WDFY4: variants seen among roughly 807,000 people sequenced by gnomAD.
The protein encoded by WDFY4 is WDFY family member 4.
WDFY4 carries 169 observed loss-of-function variants against 351.9 expected under a neutral mutation model. That is an observed-to-expected ratio of 0.48 (90% CI 0.42 to 0.55). WDFY4 has a LOEUF of 0.55. Ranked by LOEUF, WDFY4 falls within the 20% of genes least tolerant of loss-of-function variation. WDFY4 has a pLI of 0.00. For missense variants in WDFY4, 3,803 were observed against 3,935.6 expected, an observed-to-expected ratio of 0.97 and a Z score of 0.90; for synonymous variants, 1,622 against 1,574.6, an observed-to-expected ratio of 1.03 and a Z score of -0.71.
At chr10:48,801,577 C>T in intron 24 of WDFY4, 1 of 451,564 alleles carries the variant, frequency 2.2e-6, no homozygotes, top group Non-Finnish European at 4.4e-6. Context: ...CCAGCTGTCC[C>T]AAATGGCAGC....
chr10:48,685,979 G>A (rs1252625280), intron 1 of WDFY4, among the ~76,000 whole-genome samples: 1 of 151,984 alleles, frequency 6.6e-6, no homozygotes, highest in Non-Finnish European at 1.5e-5. Flanking sequence ...GCCGAGTCCT[G>A]TGGGTTTCTG....
chr10:48,811,967 A>C (rs2067461860), intron 30 of WDFY4, among the ~76,000 whole-genome samples: 1 of 151,928 alleles, frequency 6.6e-6, no homozygotes, highest in Non-Finnish European at 1.5e-5. Context: ...TCTATTTTAA[A>C]ACCTTCCTTT....
At chr10:48,977,071 T>TAACC (rs1842600721) in intron 59 of WDFY4, 92 bp downstream of exon 59, 3 of 1,276,352 alleles carry the variant, frequency 2.4e-6, no homozygotes, top group Non-Finnish European at 3.0e-6. Context: ...AACCTGCAGG[T>TAACC]TGCATTTGAG....
intron 31 of WDFY4, among the ~76,000 whole-genome samples, chr10:48,814,788 C>T (rs2067566331): frequency 6.6e-6 from 1 of 152,076 alleles, no homozygotes; most frequent in Non-Finnish European, 1.5e-5. Flanking sequence ...TAAACAACAC[C>T]CACCTGACAC....
chr10:48,930,219 C>T (rs1391091223), intron 47 of WDFY4, among the ~76,000 whole-genome samples: 4 of 152,200 alleles, frequency 2.6e-5, no homozygotes, highest in African/African-American at 7.2e-5. Flanking sequence ...TGAGAGTCAG[C>T]TGCTACATAA....
At chr10:48,951,959 C>A (rs1392980169) in intron 51 of WDFY4, among the ~76,000 whole-genome samples, 4 of 152,196 alleles carry the variant, frequency 2.6e-5, no homozygotes, top group Non-Finnish European at 5.9e-5. Context: ...TAAGTCACAG[C>A]CCATGTGAAG....
intron 13 of WDFY4, among the ~76,000 whole-genome samples, chr10:48,768,316 C>T (rs372867485): frequency 3.0e-4 from 46 of 152,284 alleles, no homozygotes; most frequent in African/African-American, 9.4e-4. Context: ...CTTGCCCATG[C>T]GCTGGCATGG....
chr10:48,853,884 C>T (rs1229945665), intron 39 of WDFY4, among the ~76,000 whole-genome samples: 1 of 151,956 alleles, frequency 6.6e-6, no homozygotes, highest in African/African-American at 2.4e-5. Flanking sequence ...GGTTTATCTT[C>T]GTAATCTAGT....
chr10:48,688,395 T>C (rs984401541), intron 1 of WDFY4, among the ~76,000 whole-genome samples: 5 of 152,254 alleles, frequency 3.3e-5, no homozygotes, highest in African/African-American at 1.2e-4. Flanking sequence ...AAAGAAGTGA[T>C]ATCTTTATGA....
At chr10:48,781,699 C>T (rs2066230974) in intron 19 of WDFY4, among the ~76,000 whole-genome samples, 2 of 152,228 alleles carry the variant, frequency 1.3e-5, no homozygotes, top group Admixed American at 1.3e-4. Context: ...CCTTCCCTTT[C>T]TCTCTTTCTT....
rs2066044464 is a variant in WDFY4, at chr10:48,776,741, C to G, written c.2864-9C>G. ...AGAGACACATCTCTTCTCTTGCTTG[C>G]TGCCCTAGGGTCACAGACTGCACAG... On this transcript the variant is annotated splice_polypyrimidine_tract_variant and intron_variant, in intron 15 of 61. Coordinates refer to ENST00000325239, the MANE Select transcript of WDFY4 (RefSeq NM_001394531.1). 6.6e-7 allele frequency: 1 copy of G among 1,513,956 alleles called. No individual in the cohort carries two copies. The highest frequency in any genetic ancestry group is 1.4e-5 in the African/African-American group (1 of 71,888). The allele number at this position is 1,513,956 out of a possible 1,614,324, so 93.8% of individuals were successfully genotyped here. A position where few individuals can be genotyped will look rare whatever the true frequency, so the allele number is the denominator to read the frequency against.
chr10:48,749,940 A>C (rs1449767108), intron 12 of WDFY4, among the ~76,000 whole-genome samples: 2 of 152,056 alleles, frequency 1.3e-5, no homozygotes, highest in Non-Finnish European at 2.9e-5. Flanking sequence ...AGTCACCTTT[A>C]CCTTGAACTT....
chr10:48,788,706 G>T (rs1337169333), intron 21 of WDFY4, 31 bp downstream of exon 21: 1 of 1,548,164 alleles, frequency 6.5e-7, no homozygotes, highest in Non-Finnish European at 8.7e-7. Flanking sequence ...GCTAATCTCT[G>T]TTGGAATCTG....
intron 5 of WDFY4, 33 bp from the exon 6 acceptor site, chr10:48,725,848 G>A (rs2064250413): frequency 6.6e-7 from 1 of 1,520,978 alleles, no homozygotes; most frequent in African/African-American, 1.4e-5. Flanking sequence ...TCCTAACCAG[G>A]TCTCCTTGAC....
rs1182060101 is a variant in WDFY4 at position 48,787,893 on chromosome 10, C to CCTT, written c.3809-547_3809-545dup. Among the ~76,000 whole-genome samples the CCTT allele has an allele frequency of 5.4e-3, 259 of 48,064 alleles. 6 individuals carry two copies. The highest frequency in any genetic ancestry group is 6.8e-3 in the Non-Finnish European group (178 of 26,112). 31.5% of individuals were successfully genotyped at this position (48,064 alleles called of 152,430 possible). A position where few individuals can be genotyped will look rare whatever the true frequency, so the allele number is the denominator to read the frequency against. On this transcript the variant is annotated intron_variant, in intron 20 of 61. Coordinates refer to ENST00000325239, the MANE Select transcript of WDFY4 (RefSeq NM_001394531.1). ...TTTCTTCTTTCTTTCTTCTTCTTCT[C>CCTT]CTTCTTCTTCTTCTTCTTCTTCTTC...
intron 39 of WDFY4, among the ~76,000 whole-genome samples, chr10:48,842,010 C>T (rs1389139809): frequency 1.3e-5 from 2 of 152,144 alleles, no homozygotes; most frequent in Non-Finnish European, 2.9e-5. Context: ...GAGCATCAAG[C>T]TGATGTCACC....
At chr10:48,930,874 C>T (rs1839953585) in intron 47 of WDFY4, among the ~76,000 whole-genome samples, 1 of 152,060 alleles carries the variant, frequency 6.6e-6, no homozygotes, top group African/African-American at 2.4e-5. Flanking sequence ...TCCGTGTGAG[C>T]CCTGTGTTCT....
chr10:48,862,971 C>A (rs1056501217), intron 39 of WDFY4, among the ~76,000 whole-genome samples: 1 of 152,124 alleles, frequency 6.6e-6, no homozygotes, highest in Non-Finnish European at 1.5e-5. Context: ...TTGAAATTAG[C>A]TTCTTTCACT....
At chr10:48,963,657 A>C (rs1367665540) in intron 53 of WDFY4, among the ~76,000 whole-genome samples, 185 bp from the exon 54 acceptor site, 1 of 152,142 alleles carries the variant, frequency 6.6e-6, no homozygotes, top group Non-Finnish European at 1.5e-5. Flanking sequence ...TGCAGACAGG[A>C]CTAGGGTGGC....
Sources: allele counts gnomAD v4.1 joint callset (sites outside exome capture counted in the v4.1 genomes callset), GRCh38; gene constraint gnomAD v4.1.1; transcripts MANE v1.5; gene names NCBI Gene and HGNC (gene_info 2026-07-23, HGNC 2026-07-21).